Variants in CHLSN observed in about 807,000 individuals in gnomAD.
CHLSN encodes cholesin.
At chr7:997,815 A>G in the CHLSN span, 1 of 1,602,936 alleles carries the variant, frequency 6.2e-7, no homozygotes, top group Admixed American at 1.7e-5. Flanking sequence ...CTGGACGGGA[A>G]AGAGATCGAG....
At chr7:1,012,850 C>T in the CHLSN span, among the ~76,000 whole-genome samples, 2 of 152,174 alleles carry the variant, frequency 1.3e-5, no homozygotes, top group Admixed American at 1.3e-4. Context: ...CGGCTCCACT[C>T]CGTGCCATCG....
the CHLSN span, among the ~76,000 whole-genome samples, chr7:1,073,372 TC>T: frequency 6.6e-6 from 1 of 151,950 alleles, no homozygotes; most frequent in South Asian, 2.1e-4. Context: ...CGGCAGCTAC[TC>T]CCCGCGCAGG....
chr7:1,000,358 G>A, the CHLSN span: 1 of 917,514 alleles, frequency 1.1e-6, no homozygotes, highest in South Asian at 1.6e-5. Flanking sequence ...CAGCCCCCGG[G>A]AGACGTGCCT....
At chr7:982,153 C>T in the CHLSN span, among the ~76,000 whole-genome samples, 4 of 152,234 alleles carry the variant, frequency 2.6e-5, no homozygotes, top group Admixed American at 6.5e-5. Context: ...CCCTCCCCGC[C>T]GCAGCCGCCC....
chr7:1,000,414 CCGCCG>C, the CHLSN span: 1 of 1,139,624 alleles, frequency 8.8e-7, no homozygotes, highest in Admixed American at 3.0e-5. Context: ...CGTGCCTGCC[CCGCCG>C]TGCACAGACC....
At chr7:1,128,045 T>C in the CHLSN span, among the ~76,000 whole-genome samples, 1 of 29,454 alleles carries the variant, frequency 3.4e-5, no homozygotes, top group East Asian at 4.7e-4. Context: ...CATCCCACCG[T>C]CACCCGGGCT....
the CHLSN span, among the ~76,000 whole-genome samples, chr7:1,132,401 A>G: frequency 6.6e-6 from 1 of 152,176 alleles, no homozygotes; most frequent in Non-Finnish European, 1.5e-5. Context: ...CAAAGCAAAA[A>G]GAAAACCCAG....
the CHLSN span, chr7:1,057,506 G>T: frequency 1.3e-6 from 1 of 759,268 alleles, no homozygotes; most frequent in Non-Finnish European, 2.4e-6. Context: ...GCGGAGCCTC[G>T]CCGGCCGCCA....
the CHLSN span, among the ~76,000 whole-genome samples, chr7:993,763 C>T: frequency 1.1e-4 from 17 of 152,242 alleles, no homozygotes; most frequent in African/African-American, 3.6e-4. Context: ...GACGACAGAG[C>T]GGGACCCTGT....
chr7:1,115,743 C>T, the CHLSN span, among the ~76,000 whole-genome samples: 5 of 124,944 alleles, frequency 4.0e-5, 1 homozygote, highest in African/African-American at 5.9e-5. Flanking sequence ...CCGACGCCCA[C>T]GCAGGATGAT....
At chr7:1,110,620 C>G in the CHLSN span, among the ~76,000 whole-genome samples, 1 of 152,196 alleles carries the variant, frequency 6.6e-6, no homozygotes, top group Non-Finnish European at 1.5e-5. Flanking sequence ...GACCGGGACA[C>G]GGGCCTCGCG....
At chr7:1,137,420 C>G in the CHLSN span, 1 of 152,228 alleles carries the variant, frequency 6.6e-6, no homozygotes, top group Non-Finnish European at 1.5e-5. Context: ...GCCCAATGCC[C>G]CGAACAGTGC....
the CHLSN span, among the ~76,000 whole-genome samples, chr7:1,047,535 C>A: frequency 1.3e-5 from 2 of 152,248 alleles, no homozygotes; most frequent in African/African-American, 4.8e-5. Flanking sequence ...CTCCTAGGAG[C>A]TGGATGTTAA....
the CHLSN span, chr7:1,055,261 G>C: frequency 2.1e-6 from 1 of 471,192 alleles, no homozygotes; most frequent in South Asian, 1.5e-5. Flanking sequence ...CAGAGGCCCT[G>C]CGGGGAACTT....
At chr7:1,054,624 C>A in the CHLSN span, among the ~76,000 whole-genome samples, 1 of 152,218 alleles carries the variant, frequency 6.6e-6, no homozygotes, top group Admixed American at 6.5e-5. Flanking sequence ...CTTGGCCTCA[C>A]GGCGGGGCAG....
the CHLSN span, among the ~76,000 whole-genome samples, chr7:1,076,586 C>A: frequency 2.0e-5 from 3 of 152,262 alleles, no homozygotes; most frequent in African/African-American, 7.2e-5. Flanking sequence ...GCACAAGCAC[C>A]GGGGAGGGAT....
chr7:1,092,832 T>A, the CHLSN span: 49 of 1,612,934 alleles, frequency 3.0e-5, no homozygotes, highest in African/African-American at 6.5e-4. Context: ...AGCAGTCGGA[T>A]GTGAGGTTCA....
chr7:985,047 C>T, the CHLSN span: 1 of 1,612,510 alleles, frequency 6.2e-7, no homozygotes, highest in South Asian at 1.1e-5. Flanking sequence ...CGGTGGCTGA[C>T]AAGATTCTGC....
At chr7:1,068,696 T>C in the CHLSN span, among the ~76,000 whole-genome samples, 17 of 152,280 alleles carry the variant, frequency 1.1e-4, no homozygotes, top group African/African-American at 3.1e-4. Flanking sequence ...TTTTAGTCTA[T>C]GACGAAAGTT....
Sources: gnomAD v4.1 joint callset for allele counts (sites outside exome capture counted in the v4.1 genomes callset) on GRCh38, gnomAD v4.1.1 for gene constraint, MANE v1.5 for transcripts, NCBI Gene and HGNC (gene_info 2026-07-23, HGNC 2026-07-21) for gene names.